SPATA13: variants seen among roughly 807,000 people sequenced by gnomAD.
SPATA13 encodes spermatogenesis associated 13, also known as spermatogenesis-associated protein 13.
A neutral mutation model predicts 104.0 loss-of-function variants in SPATA13; 50 were observed. That is an observed-to-expected ratio of 0.48 (90% confidence interval 0.38 to 0.61). The LOEUF is 0.61. Among genes scored for constraint, SPATA13 ranks in the 20% least tolerant of loss-of-function variants. The pLI is 0.00. For synonymous variants in SPATA13, 606 were observed against 667.5 expected (o/e 0.91, Z 1.42); for missense variants, 1,524 against 1,690.6 (o/e 0.90, Z 1.73).
At chr13:24,129,280 C>A (rs540035401) in intron 3 of SPATA13, among the ~76,000 whole-genome samples, 1 of 152,200 alleles carries the variant, frequency 6.6e-6, no homozygotes, top group Admixed American at 6.5e-5. Context: ...AGCGTCTGTC[C>A]CATGTGAGCA....
At chr13:24,079,309 G>T (rs1879431387) in intron 3 of SPATA13, among the ~76,000 whole-genome samples, 1 of 152,202 alleles carries the variant, frequency 6.6e-6, no homozygotes, top group African/African-American at 2.4e-5. Flanking sequence ...GGTAAACCAA[G>T]AACACTGGGA....
At chr13:24,270,169 GA>G (rs1874504102) in intron 4 of SPATA13, among the ~76,000 whole-genome samples, 1 of 152,172 alleles carries the variant, frequency 6.6e-6, no homozygotes, top group Non-Finnish European at 1.5e-5. Flanking sequence ...TTTACAATAT[GA>G]AAGACTTGCT....
At chr13:23,996,078 AG>A (rs773868080) in intron 2 of SPATA13, among the ~76,000 whole-genome samples, 9 of 152,136 alleles carry the variant, frequency 5.9e-5, no homozygotes, top group Admixed American at 1.3e-4. Context: ...GAGGAAATGA[AG>A]GGTTTTTGGT....
chr13:24,061,828 A>G (rs117081022), intron 3 of SPATA13, among the ~76,000 whole-genome samples: 3,731 of 152,106 alleles, frequency 0.025, 71 homozygotes, highest in Middle Eastern at 0.048. Flanking sequence ...GTTTATTTAT[A>G]TAACAGACTT....
intron 3 of SPATA13, among the ~76,000 whole-genome samples, chr13:24,251,270 T>G (rs114332393): frequency 0.012 from 1,769 of 152,256 alleles, 38 homozygotes; most frequent in African/African-American, 0.039. Flanking sequence ...GAGGAGTAAA[T>G]GAGGCTGAAG....
chr13:24,131,988 A>C (rs1263875607), intron 3 of SPATA13, among the ~76,000 whole-genome samples: 1 of 152,198 alleles, frequency 6.6e-6, no homozygotes, highest in Non-Finnish European at 1.5e-5. Context: ...CCTTGCAGCT[A>C]GGGTTGACTG....
intron 1 of SPATA13, among the ~76,000 whole-genome samples, chr13:24,221,851 C>T (rs1360731758): frequency 2.1e-5 from 3 of 140,180 alleles, no homozygotes; most frequent in Admixed American, 7.5e-5. Context: ...CTCACTCTGT[C>T]GCCCAGTTTG....
intron 2 of SPATA13, among the ~76,000 whole-genome samples, chr13:24,247,478 C>CTT (rs10625714): frequency 0.094 from 8,169 of 86,796 alleles, 910 homozygotes; most frequent in Middle Eastern, 0.22. Flanking sequence ...TCCACATTCA[C>CTT]TTTTTTTTTT....
At chr13:24,193,361 G>A (rs562059463) in intron 1 of SPATA13, among the ~76,000 whole-genome samples, 15 of 152,170 alleles carry the variant, frequency 9.9e-5, no homozygotes, top group Non-Finnish European at 8.8e-5. Flanking sequence ...CTGGGAGAAC[G>A]GAGGCATTGT....
chr13:24,246,155 T>C (rs1873120724), intron 2 of SPATA13, among the ~76,000 whole-genome samples: 1 of 152,114 alleles, frequency 6.6e-6, no homozygotes, highest in Non-Finnish European at 1.5e-5. Flanking sequence ...GCACGTCCAT[T>C]TGTGAGCAGG....
chr13:24,167,338 G>C (rs1228567367), intron 1 of SPATA13, among the ~76,000 whole-genome samples: 5 of 152,182 alleles, frequency 3.3e-5, no homozygotes, highest in Non-Finnish European at 7.3e-5. Context: ...GGACATGGTC[G>C]TGGTCCTCTC....
intron 1 of SPATA13, among the ~76,000 whole-genome samples, chr13:24,183,665 C>G (rs1220575): frequency 0.08 from 12,139 of 151,298 alleles, 1,579 homozygotes; most frequent in African/African-American, 0.28. Context: ...TATGCGTGGC[C>G]CAAGACAATT....
Position 24,284,933 on chromosome 13 carries a change from G to A in SPATA13, c.2301+662G>A, listed in dbSNP as rs80088429. On this transcript the variant is annotated intron_variant, in intron 5 of 12. Transcript: ENST00000382108. ...GAAAGATGTCTAATTACTGGCTGGCGAATGGCAGAGCTGGAGGCACCCATG... is the reference window on the plus strand; with the variant it reads ...GAAAGATGTCTAATTACTGGCTGGCAAATGGCAGAGCTGGAGGCACCCATG... 4.9e-3 allele frequency among the ~76,000 whole-genome samples: 748 copies of A among 152,254 alleles called. 7 individuals are homozygous for A. Among genetic ancestry groups the A allele is most frequent in the African/African-American group, 0.017 (720 of 41,542 alleles).
rs1162522374 is a variant in SPATA13 at position 24,136,869 on chromosome 13, G to T, written c.-111-85950G>T. ...TTTTGAGACGGAGTCTCGCTCTGTC[G>T]CCCAGGCTGGAGTGCAGTGGCGGGA... On this transcript the variant is annotated intron_variant, in intron 3 of 14. Coordinates refer to the SPATA13 transcript ENST00000424834. Among the ~76,000 whole-genome samples the T allele has an allele frequency of 1.1e-4, 4 of 35,072 alleles. 1 individual carries two copies. The highest frequency in any genetic ancestry group is 3.5e-4 in the African/African-American group (4 of 11,454). 23.0% of individuals were successfully genotyped at this position (35,072 alleles called of 152,430 possible).
chr13:23,987,077 G>GTGTGCCCAGAGTAGCA (rs71186804), intron 2 of SPATA13, among the ~76,000 whole-genome samples: 1 of 149,422 alleles, frequency 6.7e-6, no homozygotes, highest in African/African-American at 2.5e-5. Flanking sequence ...CCCATAGGCA[G>GTGTGCCCAGAGTAGCA]TGGATTGATA....
chr13:24,239,941 T>C (rs374174087), intron 2 of SPATA13, among the ~76,000 whole-genome samples: 3 of 151,790 alleles, frequency 2.0e-5, no homozygotes, highest in African/African-American at 7.3e-5. Context: ...GATGTGGTCA[T>C]TATGTGCATT....
chr13:24,044,699 T>C, intron 3 of SPATA13, among the ~76,000 whole-genome samples: 1 of 152,192 alleles, frequency 6.6e-6, no homozygotes, highest in East Asian at 1.9e-4. Context: ...TTCTTCTAGT[T>C]ATTTTGAAAT....
At chr13:24,150,689 C>T (rs1169501834) in intron 3 of SPATA13, among the ~76,000 whole-genome samples, 3 of 152,124 alleles carry the variant, frequency 2.0e-5, no homozygotes, top group African/African-American at 4.8e-5. Flanking sequence ...AGGCAGGCCA[C>T]AGCAGGCTGG....
intron 3 of SPATA13, among the ~76,000 whole-genome samples, chr13:24,125,477 A>G (rs1250857988): frequency 6.6e-6 from 1 of 152,134 alleles, no homozygotes; most frequent in Non-Finnish European, 1.5e-5. Context: ...CCTTCAGCAT[A>G]CAGAATACAC....
Sources: gnomAD v4.1 joint callset for allele counts (sites outside exome capture counted in the v4.1 genomes callset) on GRCh38, gnomAD v4.1.1 for gene constraint, MANE v1.5 for transcripts, NCBI Gene and HGNC (gene_info 2026-07-23, HGNC 2026-07-21) for gene names.